Variants in NFIA observed in about 807,000 individuals in gnomAD.
NFIA encodes the protein nuclear factor I A.
NFIA carries 8 observed loss-of-function variants against 62.8 expected under a neutral mutation model. The ratio of observed to expected loss-of-function variants is 0.13; its 90% CI spans 0.07 to 0.23. NFIA has a LOEUF of 0.23. Ranked by LOEUF, NFIA falls within the 10% of genes least tolerant of loss-of-function variation. The probability of loss-of-function intolerance (pLI) is 1.00; values close to 1 mark genes in which losing one functional copy is unlikely to be tolerated. For missense variants in NFIA, 410 were observed against 642.1 expected (o/e 0.64, Z 3.91); for synonymous variants, 235 against 238.1 (o/e 0.99, Z 0.12).
At chr1:61,363,668 A>G (rs982748169) in intron 6 of NFIA, among the ~76,000 whole-genome samples, 2 of 152,042 alleles carry the variant, frequency 1.3e-5, no homozygotes, top group Non-Finnish European at 2.9e-5. Context: ...AAAATATTCG[A>G]TTTTCCTTAT....
At chr1:61,344,931 C>T (rs911479532) in intron 4 of NFIA, among the ~76,000 whole-genome samples, 10 of 152,202 alleles carry the variant, frequency 6.6e-5, no homozygotes, top group Non-Finnish European at 1.3e-4. Flanking sequence ...TAACCACAAC[C>T]TTATCCAACT....
At chr1:61,375,699 G>A (rs1009473118) in intron 6 of NFIA, among the ~76,000 whole-genome samples, 6 of 152,058 alleles carry the variant, frequency 3.9e-5, no homozygotes, top group Non-Finnish European at 7.4e-5. Context: ...TCTTCTCTGA[G>A]TCATGGCTTT....
At chr1:61,113,971 G>A (rs1646753199) in intron 2 of NFIA, among the ~76,000 whole-genome samples, 1 of 152,124 alleles carries the variant, frequency 6.6e-6, no homozygotes, top group Non-Finnish European at 1.5e-5. Context: ...TTTTTGAAAG[G>A]ATTAATCATG....
intron 2 of NFIA, among the ~76,000 whole-genome samples, chr1:61,200,030 A>ACACATATATATATG (rs1557631866): frequency 2.3e-5 from 1 of 42,886 alleles, no homozygotes; most frequent in African/African-American, 1.1e-4. Context: ...ATATATATAT[A>ACACATATATATATG]TATATATATA....
At position 61,252,133 on chromosome 1, in the gene NFIA, A is replaced by G. The variant is rs561858163; in HGVS notation, c.560-25387A>G. On this transcript the variant is annotated intron_variant, in intron 2 of 10. Transcript: ENST00000403491. ...AATTCCTACTCACAATATCCATTCA[A>G]TGTATATTTGGATTATATTTTCTTT... Among the ~76,000 whole-genome samples the G allele has an allele frequency of 6.9e-4, 105 of 152,308 alleles. 2 individuals carry two copies. The South Asian group carries it at 0.013, about 20-fold the overall frequency.
chr1:61,444,762 ATAT>A (rs1213824717), intron 10 of NFIA, among the ~76,000 whole-genome samples: 2 of 152,234 alleles, frequency 1.3e-5, no homozygotes, highest in African/African-American at 2.4e-5. Flanking sequence ...ATATGTATAT[ATAT>A]CATTTGAACT....
Position 61,099,441 on chromosome 1 carries a change from C to A in NFIA, c.559+10761C>A, listed in dbSNP as rs74787839. Among the ~76,000 whole-genome samples, 958 of 152,294 alleles carry A rather than the reference C, an allele frequency of 6.3e-3. 16 individuals are homozygous for A. Among genetic ancestry groups the A allele is most frequent in the African/African-American group, 0.021 (878 of 41,554 alleles). Reference sequence around the variant, plus strand: ...GCTTTGTGATAGAGCATTCGATTACCAACTCTTTAAACTCTTTTGGCAATT... The same window carrying A: ...GCTTTGTGATAGAGCATTCGATTACAAACTCTTTAAACTCTTTTGGCAATT... On this transcript the variant is annotated intron_variant, in intron 2 of 10. Transcript: ENST00000403491.
intron 4 of NFIA, among the ~76,000 whole-genome samples, chr1:61,350,818 A>G (rs992046696): frequency 2.0e-5 from 3 of 152,172 alleles, no homozygotes; most frequent in African/African-American, 7.2e-5. Flanking sequence ...TTTCAGTTGC[A>G]TAATTCCTCC....
At chr1:61,380,107 A>G (rs975957524) in intron 6 of NFIA, among the ~76,000 whole-genome samples, 1 of 152,212 alleles carries the variant, frequency 6.6e-6, no homozygotes, top group Non-Finnish European at 1.5e-5. Context: ...TTAGAAAACC[A>G]GTGACAAGCC....
chr1:61,258,428 A>G (rs1656560056), intron 2 of NFIA, among the ~76,000 whole-genome samples: 2 of 152,206 alleles, frequency 1.3e-5, no homozygotes, highest in Non-Finnish European at 2.9e-5. Context: ...TTGTATTTGC[A>G]GTCATCTATA....
At chr1:61,380,926 A>G (rs1207544124) in intron 6 of NFIA, among the ~76,000 whole-genome samples, 2 of 152,186 alleles carry the variant, frequency 1.3e-5, no homozygotes, top group African/African-American at 4.8e-5. Flanking sequence ...AATTCCTTTT[A>G]GAAGCATAAA....
At chr1:61,385,446 A>G (rs1664631941) in intron 7 of NFIA, among the ~76,000 whole-genome samples, 1 of 152,164 alleles carries the variant, frequency 6.6e-6, no homozygotes, top group African/African-American at 2.4e-5. Flanking sequence ...TAATGTCCTC[A>G]TCAATATAGT....
Position 61,267,990 on chromosome 1 carries a change from A to C in NFIA, c.560-9530A>C, listed in dbSNP as rs576523879. 5.3e-5 allele frequency among the ~76,000 whole-genome samples: 8 copies of C among 152,306 alleles called. No homozygotes were observed. In the South Asian group the frequency reaches 1.2e-3, roughly 24 times the overall value. On this transcript the variant is annotated intron_variant, in intron 2 of 10. Transcript: ENST00000403491. Reference sequence around the variant, plus strand: ...CAAAAAACCTGTGTTGTTTCAGAGGAGAATGATCCAGTATCATTTCCCCTT... The same window carrying C: ...CAAAAAACCTGTGTTGTTTCAGAGGCGAATGATCCAGTATCATTTCCCCTT...
chr1:61,187,213 G>A (rs1251581605), intron 2 of NFIA, among the ~76,000 whole-genome samples: 1 of 152,096 alleles, frequency 6.6e-6, no homozygotes, highest in Non-Finnish European at 1.5e-5. Context: ...TACTACGACT[G>A]CTATTATTAT....
rs150476550 is a variant in NFIA, at chr1:61,407,271, G to A, written c.1420+544G>A. Among the ~76,000 whole-genome samples the A allele has an allele frequency of 2.5e-3, 387 of 152,312 alleles. 2 individuals carry two copies. The highest frequency in any genetic ancestry group is 9.0e-3 in the African/African-American group (372 of 41,564). ...CTAGTAGCCCTGGCAGTCGCATGGT[G>A]AGGTTTGGCAGAGGTTGGGGTAGGG... On this transcript the variant is annotated intron_variant, in intron 9 of 10. Transcript: ENST00000403491.
chr1:61,177,561 ACT>A (rs745756328), intron 2 of NFIA, among the ~76,000 whole-genome samples: 8 of 152,038 alleles, frequency 5.3e-5, no homozygotes, highest in Non-Finnish European at 1.2e-4. Flanking sequence ...GGAGAAATTA[ACT>A]CTGTCTTGCT....
chr1:61,170,374 C>T (rs1010640753), intron 2 of NFIA, among the ~76,000 whole-genome samples: 2 of 152,214 alleles, frequency 1.3e-5, no homozygotes, highest in African/African-American at 4.8e-5. Flanking sequence ...GGAGGAATGC[C>T]TGTGAACTTG....
chr1:61,246,499 G>A (rs936474902), intron 2 of NFIA, among the ~76,000 whole-genome samples: 1 of 152,134 alleles, frequency 6.6e-6, no homozygotes, highest in Non-Finnish European at 1.5e-5. Context: ...CAGAACCCCT[G>A]CATGACTTCA....
intron 7 of NFIA, among the ~76,000 whole-genome samples, chr1:61,393,992 AT>A (rs1490727977): frequency 6.6e-6 from 1 of 152,188 alleles, no homozygotes; most frequent in Non-Finnish European, 1.5e-5. Flanking sequence ...CTTTTCATGT[AT>A]CTCTATTTAT....
Sources: gnomAD v4.1 joint callset for allele counts (sites outside exome capture counted in the v4.1 genomes callset) on GRCh38, gnomAD v4.1.1 for gene constraint, MANE v1.5 for transcripts, NCBI Gene and HGNC (gene_info 2026-07-23, HGNC 2026-07-21) for gene names.